The following GRID2 variants were observed in gnomAD, a reference collection of about 807,000 sequenced individuals.
GRID2 encodes the protein glutamate receptor ionotropic, delta-2.
Under a neutral mutation model 114.8 loss-of-function variants are expected in GRID2, and 33 were observed. The observed-to-expected ratio is 0.29, with a 90% CI of 0.22 to 0.38. The LOEUF (loss-of-function observed/expected upper bound fraction) is 0.38, where lower values mean the gene tolerates loss of function less well. GRID2 is among the 10% of genes least tolerant of loss of function. GRID2 has a pLI of 1.00. For synonymous variants in GRID2, 505 were observed against 449.9 expected (o/e 1.12, Z -1.55); for missense variants, 1,184 against 1,257.7 (o/e 0.94, Z 0.89).
At chr4:93,622,783 GT>G (rs368098238) in intron 13 of GRID2, among the ~76,000 whole-genome samples, 4 of 152,168 alleles carry the variant, frequency 2.6e-5, no homozygotes, top group African/African-American at 9.6e-5. Context: ...TTTTTATTGG[GT>G]ATCCAATATT....
At chr4:93,244,478 T>TATTATATAATCTATTAATTAATAG (rs1561035232) in intron 8 of GRID2, among the ~76,000 whole-genome samples, 131 of 135,938 alleles carry the variant, frequency 9.6e-4, no homozygotes, top group Non-Finnish European at 1.1e-3. Context: ...AAGGATATTA[T>TATTATATAATCTATTAATTAATAG]ATTATATAAT....
chr4:92,450,685 T>C (rs1720867984), intron 1 of GRID2, among the ~76,000 whole-genome samples: 1 of 151,860 alleles, frequency 6.6e-6, no homozygotes, highest in Non-Finnish European at 1.5e-5. Context: ...ATCATCACTT[T>C]TCAATATTCT....
At chr4:93,469,710 A>G (rs957725804) in intron 11 of GRID2, among the ~76,000 whole-genome samples, 2 of 152,106 alleles carry the variant, frequency 1.3e-5, no homozygotes, top group African/African-American at 4.8e-5. Flanking sequence ...CACAGTAGGA[A>G]TCTGTAAACT....
intron 2 of GRID2, among the ~76,000 whole-genome samples, chr4:93,019,745 T>G (rs541135009): frequency 5.9e-5 from 9 of 152,162 alleles, no homozygotes; most frequent in Non-Finnish European, 1.3e-4. Context: ...TTCCTCTTAT[T>G]GGCTCCAGAT....
At chr4:92,947,924 A>G (rs1054878728) in intron 2 of GRID2, among the ~76,000 whole-genome samples, 7 of 151,926 alleles carry the variant, frequency 4.6e-5, no homozygotes, top group African/African-American at 1.7e-4. Context: ...ATCATTTTAC[A>G]TTATACTATC....
chr4:93,798,270 C>T (rs1024764041), intron 1 of GRID2, among the ~76,000 whole-genome samples: 2 of 152,050 alleles, frequency 1.3e-5, no homozygotes, highest in Non-Finnish European at 2.9e-5. Flanking sequence ...GGAGGGGAGG[C>T]TCTGTGGTGT....
At chr4:92,522,249 G>T (rs958661243) in intron 1 of GRID2, among the ~76,000 whole-genome samples, 1 of 151,928 alleles carries the variant, frequency 6.6e-6, no homozygotes, top group African/African-American at 2.4e-5. Flanking sequence ...GTTAAATTGT[G>T]CCTTGCAATG....
chr4:92,990,332 ATT>A (rs1217242270), intron 2 of GRID2, among the ~76,000 whole-genome samples: 1 of 122,626 alleles, frequency 8.2e-6, no homozygotes, highest in Non-Finnish European at 1.7e-5. Context: ...TGTGTGTATA[ATT>A]TTTTTTGAGA....
At chr4:93,477,127 G>A (rs1334990340) in intron 11 of GRID2, among the ~76,000 whole-genome samples, 1 of 152,032 alleles carries the variant, frequency 6.6e-6, no homozygotes, top group Non-Finnish European at 1.5e-5. Context: ...GGAGGGCAGA[G>A]GGGCAAGAGA....
intron 1 of GRID2, among the ~76,000 whole-genome samples, chr4:92,442,160 A>G (rs1733132950): frequency 7.3e-6 from 1 of 137,418 alleles, no homozygotes; most frequent in African/African-American, 2.5e-5. Context: ...TTCCACTGTG[A>G]GAGTTACCTG....
intron 10 of GRID2, among the ~76,000 whole-genome samples, chr4:93,427,440 A>T (rs1308927837): frequency 1.3e-5 from 2 of 152,042 alleles, no homozygotes; most frequent in East Asian, 3.8e-4. Flanking sequence ...TAAGAATTTT[A>T]AAATTAACAG....
intron 12 of GRID2, among the ~76,000 whole-genome samples, chr4:93,495,690 A>G (rs935092057): frequency 6.6e-6 from 1 of 151,768 alleles, no homozygotes; most frequent in Non-Finnish European, 1.5e-5. Context: ...TATTTACAGC[A>G]ATTAACTAGT....
chr4:93,296,490 A>G (rs1560469434), intron 8 of GRID2, among the ~76,000 whole-genome samples: 1 of 152,194 alleles, frequency 6.6e-6, no homozygotes, highest in African/African-American at 2.4e-5. Flanking sequence ...CTATTTCAGA[A>G]TGTTTCTGTA....
At chr4:92,695,781 C>T (rs1230598534) in intron 2 of GRID2, among the ~76,000 whole-genome samples, 1 of 151,964 alleles carries the variant, frequency 6.6e-6, no homozygotes, top group Admixed American at 6.6e-5. Context: ...AACTGGCTTG[C>T]TATTATCCTG....
intron 13 of GRID2, among the ~76,000 whole-genome samples, chr4:93,613,602 G>C (rs1027687862): frequency 5.5e-5 from 6 of 108,136 alleles, no homozygotes; most frequent in African/African-American, 1.7e-4. Context: ...CTGCTGGGGG[G>C]TGCCTCCCAG....
chr4:92,577,075 G>A (rs1022772155), intron 1 of GRID2, among the ~76,000 whole-genome samples: 20 of 152,114 alleles, frequency 1.3e-4, no homozygotes, highest in Non-Finnish European at 7.3e-5. Flanking sequence ...GGCTTCAGAA[G>A]CATAGCATAT....
intron 1 of GRID2, among the ~76,000 whole-genome samples, chr4:92,545,692 A>G (rs1726215894): frequency 6.6e-6 from 1 of 152,170 alleles, no homozygotes; most frequent in Admixed American, 6.5e-5. Flanking sequence ...CCAACATATT[A>G]TTCTCAATAT....
rs368075269 is a variant in GRID2, at chr4:92,409,069, AG to A, written c.88+104327del. 4.3e-3 allele frequency among the ~76,000 whole-genome samples: 661 copies of A among 152,158 alleles called. 7 individuals are homozygous for A. The highest frequency in any genetic ancestry group is 0.015 in the African/African-American group (642 of 41,538). On this transcript the variant is annotated intron_variant, in intron 1 of 15. Transcript: ENST00000282020. ...TTCCAGTTCTCAAGGGGAATGCCTG[AG>A]GTTTCTCCCATTCTGTATGATTTGG... is the stretch of plus-strand genomic sequence containing the variant.
At chr4:92,976,694 T>G (rs1753898579) in intron 2 of GRID2, among the ~76,000 whole-genome samples, 1 of 152,156 alleles carries the variant, frequency 6.6e-6, no homozygotes, top group Non-Finnish European at 1.5e-5. Flanking sequence ...GTATTATCTC[T>G]ATACTTCTCC....
Sources: gnomAD v4.1 joint callset for allele counts (sites outside exome capture counted in the v4.1 genomes callset) on GRCh38, gnomAD v4.1.1 for gene constraint, MANE v1.5 for transcripts, NCBI Gene and HGNC (gene_info 2026-07-23, HGNC 2026-07-21) for gene names.